Variants in ADAMTSL3 observed in about 807,000 individuals in gnomAD.
ADAMTSL3 encodes ADAMTS like 3, also known as ADAMTS-like protein 3.
A neutral mutation model predicts 201.7 loss-of-function variants in ADAMTSL3; 128 were observed. The observed-to-expected ratio is 0.63, with a 90% CI of 0.55 to 0.73. ADAMTSL3 has a LOEUF of 0.73. ADAMTSL3 is among the 30% of genes least tolerant of loss of function. The pLI is 0.00. For synonymous variants in ADAMTSL3, 738 were observed against 748.4 expected, an observed-to-expected ratio of 0.99 and a Z score of 0.23; for missense variants, 1,990 against 2,119.6, an observed-to-expected ratio of 0.94 and a Z score of 1.20.
chr15:83,815,339 T>C (rs550481273), intron 5 of ADAMTSL3, among the ~76,000 whole-genome samples: 3 of 152,242 alleles, frequency 2.0e-5, no homozygotes, highest in Non-Finnish European at 4.4e-5. Context: ...GTTCAGTGTG[T>C]TTCATGCGTA....
At chr15:83,979,102 C>A (rs918016558) in intron 20 of ADAMTSL3, among the ~76,000 whole-genome samples, 1 of 152,264 alleles carries the variant, frequency 6.6e-6, no homozygotes, top group Non-Finnish European at 1.5e-5. Flanking sequence ...ATCAGGTCAT[C>A]CCCAGCTTGA....
chr15:84,003,396 G>C (rs769413486), intron 23 of ADAMTSL3, among the ~76,000 whole-genome samples: 3 of 152,176 alleles, frequency 2.0e-5, no homozygotes, highest in Admixed American at 1.3e-4. Flanking sequence ...CAGGGCAGGA[G>C]CCTCGTATCC....
intron 3 of ADAMTSL3, among the ~76,000 whole-genome samples, chr15:83,733,940 C>G (rs1036549231): frequency 7.9e-5 from 12 of 152,094 alleles, no homozygotes; most frequent in Non-Finnish European, 1.3e-4. Flanking sequence ...GGATAGACAT[C>G]TGGAGTGGCG....
intron 17 of ADAMTSL3, among the ~76,000 whole-genome samples, chr15:83,940,535 A>G (rs78439477): frequency 0.018 from 2,761 of 152,246 alleles, 86 homozygotes; most frequent in African/African-American, 0.063. Context: ...CTCCACTCTC[A>G]TGTCCCCATC....
Position 84,036,902 on chromosome 15 carries a change from G to C in ADAMTSL3, c.4884G>C (p.Arg1628Ser). Residue 1628 changes from arginine to serine, a missense_variant, in exon 29 of 30, where the codon AGG becomes AGC. Arg to Ser is a moderately radical substitution (Grantham distance 110, BLOSUM62 -1). Coordinates refer to ENST00000286744, the MANE Select transcript of ADAMTSL3 (RefSeq NM_207517.3). ...QSRKVDCIHTRSCKPVAKRHC... is the reference protein window; with the variant it reads ...QSRKVDCIHTSSCKPVAKRHC... ...GGAAAGTCGACTGTATCCACACAAG[G>C]AGTTGCAAACCTGTGGCCAAGAGAC... The C allele has an allele frequency of 6.2e-7, 1 of 1,614,112 alleles. No homozygotes were observed. The highest frequency in any genetic ancestry group is 8.5e-7 in the Non-Finnish European group (1 of 1,180,014).
intron 10 of ADAMTSL3, among the ~76,000 whole-genome samples, chr15:83,887,617 T>A (rs2065421648): frequency 6.6e-6 from 1 of 152,182 alleles, no homozygotes; most frequent in Non-Finnish European, 1.5e-5. Context: ...CTCTCTCTCC[T>A]TTTTGTTTGT....
intron 3 of ADAMTSL3, among the ~76,000 whole-genome samples, chr15:83,742,009 ACCTT>A (rs2062463213): frequency 6.6e-6 from 1 of 152,152 alleles, no homozygotes; most frequent in Admixed American, 6.5e-5. Context: ...TGTATATCGA[ACCTT>A]CTGCTTTCTA....
chr15:84,010,921 T>C (rs915021289), intron 23 of ADAMTSL3, among the ~76,000 whole-genome samples: 9 of 152,210 alleles, frequency 5.9e-5, no homozygotes, highest in African/African-American at 2.2e-4. Flanking sequence ...CCAGTCTACA[T>C]GAGGTACAGC....
intron 2 of ADAMTSL3, among the ~76,000 whole-genome samples, chr15:83,693,808 C>G (rs1475364187): frequency 6.6e-6 from 1 of 152,166 alleles, no homozygotes; most frequent in Non-Finnish European, 1.5e-5. Context: ...GTTGAACTCT[C>G]AGTAGCAAAA....
intron 3 of ADAMTSL3, among the ~76,000 whole-genome samples, chr15:83,768,954 G>C (rs1269600742): frequency 6.6e-6 from 1 of 152,180 alleles, no homozygotes; most frequent in Admixed American, 6.5e-5. Flanking sequence ...TGGCTGAGGA[G>C]AGGAGAAACA....
At chr15:83,897,688 C>T (rs1567221974) in intron 13 of ADAMTSL3, among the ~76,000 whole-genome samples, 170 bp from the exon 14 acceptor site, 2 of 152,176 alleles carry the variant, frequency 1.3e-5, no homozygotes, top group Admixed American at 6.5e-5. Flanking sequence ...CCCTGAAATA[C>T]AAGTATCACA....
rs182294651 is a variant in ADAMTSL3 at position 83,865,826 on chromosome 15, A to T, written c.803-4976A>T. Reference sequence around the variant, plus strand: ...GCAACTACCATCAGAGTGAACAGGCAACCTACAGAATGGGAGAAAATTTTT... The same window carrying T: ...GCAACTACCATCAGAGTGAACAGGCTACCTACAGAATGGGAGAAAATTTTT... On this transcript the variant is annotated intron_variant, in intron 8 of 29. Coordinates refer to ENST00000286744, the MANE Select transcript of ADAMTSL3 (RefSeq NM_207517.3). 7.5e-3 allele frequency among the ~76,000 whole-genome samples: 1,138 copies of T among 152,340 alleles called. 11 individuals carry two copies. The highest frequency in any genetic ancestry group is 0.026 in the African/African-American group (1,063 of 41,582).
intron 5 of ADAMTSL3, among the ~76,000 whole-genome samples, chr15:83,812,508 T>C (rs1440901263): frequency 6.6e-6 from 1 of 152,200 alleles, no homozygotes; most frequent in Non-Finnish European, 1.5e-5. Flanking sequence ...AAGCCCTGTA[T>C]TAAGGGACGG....
intron 12 of ADAMTSL3, 71 bp downstream of exon 12, chr15:83,891,450 T>A: frequency 1.6e-6 from 2 of 1,274,288 alleles, no homozygotes; most frequent in Non-Finnish European, 2.3e-6. Flanking sequence ...TCTGTAGCAA[T>A]AGCCTAAAAT....
chr15:83,659,231 G>A (rs1256194451), intron 2 of ADAMTSL3, among the ~76,000 whole-genome samples: 3 of 152,216 alleles, frequency 2.0e-5, no homozygotes, highest in Non-Finnish European at 4.4e-5. Context: ...CGAGGCCACA[G>A]TTTTGAAAGG....
chr15:84,036,942 AAG>A lies in ADAMTSL3; in HGVS notation c.4926_4927del (p.Lys1643ThrfsTer13), dbSNP rs2068521203. 6.2e-7 allele frequency: 1 copy of A among 1,613,970 alleles called. No individual in the cohort carries two copies. The highest frequency in any genetic ancestry group is 1.7e-5 in the Admixed American group (1 of 59,988). ...GGCCAAGAGACACTGTGTACAGAAA[AAG>A]AAACCAATTTCCTGGCGGCACTGTC... is the stretch of plus-strand genomic sequence containing the variant. ...PVAKRHCVQKKKPISWRHCLG... is the reference protein window; with the variant it reads ...PVAKRHCVQKXKPISWRHCLG... On this transcript the variant is annotated frameshift_variant, in exon 29 of 30. Transcript: ENST00000286744. LOFTEE classifies it high-confidence loss of function.
At chr15:83,675,479 G>A (rs2061390072) in intron 2 of ADAMTSL3, among the ~76,000 whole-genome samples, 1 of 151,716 alleles carries the variant, frequency 6.6e-6, no homozygotes, top group South Asian at 2.1e-4. Flanking sequence ...AACTCCACTT[G>A]GTCATGGCCT....
intron 6 of ADAMTSL3, among the ~76,000 whole-genome samples, chr15:83,831,537 A>G (rs2064157051): frequency 6.6e-6 from 1 of 152,110 alleles, no homozygotes; most frequent in African/African-American, 2.4e-5. Context: ...TGCCCTCTTT[A>G]TTTATTAACT....
In ADAMTSL3 at chr15:83,860,516, G is replaced by A. The variant is rs181093543; in HGVS notation, c.802+1676G>A. Among the ~76,000 whole-genome samples the A allele has an allele frequency of 1.1e-4, 16 of 152,248 alleles. No homozygotes were observed. In the East Asian group the frequency reaches 3.1e-3, roughly 29 times the overall value. On this transcript the variant is annotated intron_variant, in intron 8 of 29. Transcript: ENST00000286744. The stretch of plus-strand genomic sequence containing the variant: ...TTTAAAAGGGCAAAGTTTATGGCAT[G>A]CAAAGTATATATGGAAAAGATGCTT...
Sources: gnomAD v4.1 joint callset for allele counts (sites outside exome capture counted in the v4.1 genomes callset) on GRCh38, gnomAD v4.1.1 for gene constraint, MANE v1.5 for transcripts, NCBI Gene and HGNC (gene_info 2026-07-23, HGNC 2026-07-21) for gene names.